MMS19: variants seen among roughly 807,000 people sequenced by gnomAD.
MMS19 encodes MMS19 cytosolic iron-sulfur assembly component.
In MMS19, 77 loss-of-function variants were observed where a neutral mutation model predicts 129.8. The ratio of observed to expected loss-of-function variants is 0.59; its 90% CI spans 0.49 to 0.72. The LOEUF is 0.72. Among genes scored for constraint, MMS19 ranks in the 30% least tolerant of loss-of-function variants. The pLI, the probability that MMS19 is intolerant of heterozygous loss-of-function variation, is 0.00. For synonymous variants in MMS19, 491 were observed against 502.8 expected, an observed-to-expected ratio of 0.98 and a Z score of 0.31; for missense variants, 1,168 against 1,266.3, an observed-to-expected ratio of 0.92 and a Z score of 1.18.
At position 97,476,682 on chromosome 10, in the gene MMS19, C is replaced by G; in HGVS notation, c.684+1G>C. ...GATCAAACAATGAAGGTGCTACTTA[C>G]AGGGGTAAAATCGATAGGGAAATAA... On this transcript the variant is annotated splice_donor_variant, in intron 8 of 30. Coordinates refer to ENST00000438925, the MANE Select transcript of MMS19 (RefSeq NM_022362.5). LOFTEE classifies it high-confidence loss of function. 1 of 1,613,586 alleles carries G rather than the reference C, an allele frequency of 6.2e-7. No homozygotes were observed. Among genetic ancestry groups the G allele is most frequent in the Non-Finnish European group, 8.5e-7 (1 of 1,179,684 alleles).
rs1382579558 is a variant in MMS19, at chr10:97,498,387, C to G, written c.-3G>C. ...TCCACAGCCGCGGCAGCGGCCATAACGCGAACTAGAGACCGTGGGAGGGGA... is the reference window on the plus strand; with the variant it reads ...TCCACAGCCGCGGCAGCGGCCATAAGGCGAACTAGAGACCGTGGGAGGGGA... On this transcript the variant is annotated 5_prime_UTR_variant, in exon 1 of 31. Coordinates refer to ENST00000438925, the MANE Select transcript of MMS19 (RefSeq NM_022362.5). The G allele has an allele frequency of 6.3e-7, 1 of 1,580,680 alleles. No homozygotes were observed. The highest frequency in any genetic ancestry group is 1.1e-5 in the South Asian group (1 of 88,048).
In MMS19 at chr10:97,461,563, G is replaced by C. The variant is rs756875823; in HGVS notation, c.2244C>G (p.His748Gln). The C allele has an allele frequency of 6.2e-7, 1 of 1,603,000 alleles. No individual in the cohort carries two copies. Among genetic ancestry groups the C allele is most frequent in the South Asian group, 1.1e-5 (1 of 88,866 alleles). ...MRELLELSCCHSCPFSSTAAA... is the reference protein window; with the variant it reads ...MRELLELSCCQSCPFSSTAAA... ...CAGCGGTGGAAGAAAAGGGGCAGCT[G>C]TGGCAGCAGCTCAGTTCCAAAAGCT... Residue 748 changes from histidine (H) to glutamine (Q), a missense_variant, in exon 23 of 31, where the codon CAC becomes CAG. His to Gln is a conservative substitution (Grantham distance 24). Transcript: ENST00000438925.
At chr10:97,497,527 T>C (rs550378685) in intron 1 of MMS19, among the ~76,000 whole-genome samples, 1 of 152,096 alleles carries the variant, frequency 6.6e-6, no homozygotes, top group Non-Finnish European at 1.5e-5. Flanking sequence ...TAGTAGTTTT[T>C]TTTTTTTCCT....
At position 97,498,255 on chromosome 10, in the gene MMS19, C is replaced by A. The variant is rs370977937; in HGVS notation, c.112+18G>T. On this transcript the variant is annotated intron_variant, in intron 1 of 30. Transcript: ENST00000438925. ...TGTTGGCCCCCATGCGGAAGGCGCG[C>A]GGCGCCGTCTGCCGTACCTGCAGCC... is the stretch of plus-strand genomic sequence containing the variant. 4 of 1,537,482 alleles carry A rather than the reference C, an allele frequency of 2.6e-6. No homozygotes were observed. Among genetic ancestry groups the A allele is most frequent in the South Asian group, 1.2e-5 (1 of 84,284 alleles).
At chr10:97,460,403 C>G in intron 25 of MMS19, 171 bp from the exon 26 acceptor site, 1 of 652,270 alleles carries the variant, frequency 1.5e-6, no homozygotes, top group Non-Finnish European at 2.6e-6. Context: ...AAACCCAGTT[C>G]TTACAAAAAA....
chr10:97,472,299 G>A (rs2034884607), intron 8 of MMS19, among the ~76,000 whole-genome samples: 1 of 152,240 alleles, frequency 6.6e-6, no homozygotes, highest in Admixed American at 6.5e-5. Context: ...GAGTGCAATG[G>A]CACGATCTTG....
chr10:97,467,039 C>T, intron 14 of MMS19, 138 bp from the exon 15 acceptor site: 3 of 910,804 alleles, frequency 3.3e-6, no homozygotes, highest in Non-Finnish European at 4.9e-6. Flanking sequence ...AGTGCAGTGG[C>T]GTAATCTCGG....
At chr10:97,468,108 A>T in intron 13 of MMS19, 144 bp downstream of exon 13, 1 of 643,672 alleles carries the variant, frequency 1.6e-6, no homozygotes, top group East Asian at 3.1e-5. Flanking sequence ...GGAAAAAGTG[A>T]GTAAGGGAAG....
rs2030481666 is a variant in MMS19 at position 97,458,447 on chromosome 10, A to C, written c.*245T>G. 1 of 510,490 alleles carries C rather than the reference A, an allele frequency of 2.0e-6. No homozygotes were observed. The highest frequency in any genetic ancestry group is 3.2e-5 in the South Asian group (1 of 30,900). The allele number at this position is 510,490 out of a possible 1,614,324, so 31.6% of individuals were successfully genotyped here. On this transcript the variant is annotated 3_prime_UTR_variant, in exon 31 of 31. Transcript: ENST00000438925. ...CGCCCCTTTTCTGACATATAAATGC[A>C]AGAGACCCAGGACCCTAGATCTTTC...
At chr10:97,469,552 G>T in intron 11 of MMS19, 94 bp downstream of exon 11, 1 of 1,018,884 alleles carries the variant, frequency 9.8e-7, no homozygotes, top group Non-Finnish European at 1.5e-6. Context: ...CTTGGCCCTG[G>T]GGATGACAGA....
rs571216423 is a variant in MMS19 at position 97,476,886 on chromosome 10, G to A, written c.571C>T (p.Leu191=). ...TCATGGACGATGCGGAAGGCCACCA[G>A]AAGATTACGGGGATCCTTTTCCCCA... ...MDGEKDPRNL[L]VAFRIVHDLI... is the part of the protein sequence containing the mutation. The change falls in exon 7 of 31, where the codon CTG becomes TTG. Residue 191 remains leucine (L), a synonymous_variant. Coordinates refer to ENST00000438925, the MANE Select transcript of MMS19 (RefSeq NM_022362.5). 1 of 1,613,986 alleles carries A rather than the reference G, an allele frequency of 6.2e-7. No individual in the cohort carries two copies. The highest frequency in any genetic ancestry group is 2.2e-5 in the East Asian group (1 of 44,876).
At chr10:97,462,820 T>C (rs2032373500) in intron 19 of MMS19, 138 bp from the exon 20 acceptor site, 1 of 688,030 alleles carries the variant, frequency 1.5e-6, no homozygotes, top group Non-Finnish European at 2.5e-6. Context: ...TCTCTGGTAG[T>C]GCTATAGTCC....
In MMS19 at chr10:97,498,336, A is replaced by T. The variant is rs2040198682; in HGVS notation, c.49T>A (p.Trp17Arg). The change falls in exon 1 of 31, where the codon TGG (tryptophan) becomes AGG (arginine). Residue 17 changes from tryptophan to arginine, a missense_variant. Physicochemically the swap from Trp to Arg is moderately radical, Grantham distance 101. Transcript: ENST00000438925. ...VEAAAPMGAL[W>R]GLVHDFVVGQ... ...ACGACGAAGTCGTGCACGAGGCCCCATAGGGCACCCATAGGCGCCGCCGCC... is the reference window on the plus strand; with the variant it reads ...ACGACGAAGTCGTGCACGAGGCCCCTTAGGGCACCCATAGGCGCCGCCGCC... The T allele has an allele frequency of 1.3e-6, 2 of 1,574,938 alleles. No homozygotes were observed. Among genetic ancestry groups the T allele is most frequent in the Non-Finnish European group, 1.7e-6 (2 of 1,167,708 alleles).
Position 97,462,564 on chromosome 10 carries a change from C to T in MMS19, c.2012+19G>A, listed in dbSNP as rs772901746. 6.3e-7 allele frequency: 1 copy of T among 1,591,368 alleles called. No homozygotes were observed. Among genetic ancestry groups the T allele is most frequent in the Non-Finnish European group, 8.6e-7 (1 of 1,159,392 alleles). ...TATCCTTCTCCCTGGGTTCAAGCCACATCCATGATTATACTTACTCAGGGC... is the reference window on the plus strand; with the variant it reads ...TATCCTTCTCCCTGGGTTCAAGCCATATCCATGATTATACTTACTCAGGGC... On this transcript the variant is annotated intron_variant, in intron 20 of 30. Transcript: ENST00000438925.
At chr10:97,495,125 T>C (rs1389016433) in intron 1 of MMS19, among the ~76,000 whole-genome samples, 1 of 152,176 alleles carries the variant, frequency 6.6e-6, no homozygotes, top group Non-Finnish European at 1.5e-5. Flanking sequence ...CTCTCAGGTC[T>C]AACTTCGATT....
chr10:97,459,791 C>A, intron 26 of MMS19, 50 bp from the exon 27 acceptor site: 1 of 1,405,342 alleles, frequency 7.1e-7, no homozygotes, highest in Non-Finnish European at 9.9e-7. Flanking sequence ...AGATATATAG[C>A]TTGAGAAATC....
upstream of MMS19, chr10:97,498,560 G>A (rs938285696): frequency 1.3e-6 from 1 of 764,352 alleles, no homozygotes; most frequent in Non-Finnish European, 2.0e-6. Flanking sequence ...GAAATGGGGC[G>A]GTGGCACCGA....
intron 15 of MMS19, 37 bp downstream of exon 15, chr10:97,466,739 A>G (rs2033573799): frequency 6.2e-7 from 1 of 1,613,702 alleles, no homozygotes; most frequent in African/African-American, 1.3e-5. Flanking sequence ...CAAGAAAAGG[A>G]CCAATATTTT....
chr10:97,486,911 A>G (rs1481860232), intron 1 of MMS19, among the ~76,000 whole-genome samples: 2 of 142,690 alleles, frequency 1.4e-5, no homozygotes, highest in Non-Finnish European at 3.1e-5. Flanking sequence ...AAGACAGGCA[A>G]GTTGTGAAAA....
Sources: allele counts gnomAD v4.1 joint callset (sites outside exome capture counted in the v4.1 genomes callset), GRCh38; gene constraint gnomAD v4.1.1; transcripts MANE v1.5; gene names NCBI Gene and HGNC (gene_info 2026-07-23, HGNC 2026-07-21).